The following FOXRED2 variants were observed in gnomAD, a reference collection of about 807,000 sequenced individuals.
FOXRED2 encodes the protein FAD-dependent oxidoreductase domain-containing protein 2.
FOXRED2 carries 32 observed loss-of-function variants against 52.5 expected under a neutral mutation model. That is an observed-to-expected ratio of 0.61 (90% CI 0.46 to 0.82). FOXRED2 has a LOEUF of 0.82. Ranked by LOEUF, FOXRED2 falls within the 40% of genes least tolerant of loss-of-function variation. FOXRED2 has a pLI of 0.00. For missense variants in FOXRED2, 848 were observed against 937.5 expected (o/e 0.90, Z 1.25); for synonymous variants, 405 against 398.1 (o/e 1.02, Z -0.21).
Position 36,501,338 on chromosome 22 carries a change from G to A in FOXRED2, c.1119C>T (p.Ser373=). The stretch of plus-strand genomic sequence containing the variant: ...GGATAAACAGACCCCGGCTTCCTTT[G>A]GATTCGTAGCTAGCTCGAATCAGCG... ...KYPLIRASYE[S]KGSRGLFILG... The change falls in exon 5 of 9, where the codon TCC becomes TCT. Residue 373 remains serine (S), a synonymous_variant. Transcript: ENST00000397224. 1 of 1,614,098 alleles carries A rather than the reference G, an allele frequency of 6.2e-7. No homozygotes were observed. The highest frequency in any genetic ancestry group is 8.5e-7 in the Non-Finnish European group (1 of 1,180,006).
At chr22:36,506,545 A>C in intron 1 of FOXRED2, 122 bp from the exon 2 acceptor site, 1 of 972,002 alleles carries the variant, frequency 1.0e-6, no homozygotes. Flanking sequence ...CAGGCCCAGA[A>C]GCCGTCCTCA....
rs748611789 is a variant in FOXRED2, at chr22:36,506,375, G to T, written c.48C>A (p.Leu16=). 1.4e-6 allele frequency: 2 copies of T among 1,446,574 alleles called. No individual in the cohort carries two copies. The highest frequency in any genetic ancestry group is 2.7e-5 in the Admixed American group (1 of 36,864). 89.6% of individuals were successfully genotyped at this position (1,446,574 alleles called of 1,614,324 possible). Residue 16 remains leucine (L), a synonymous_variant, in exon 2 of 9, where the codon CTC becomes CTA. Coordinates refer to ENST00000397224, the MANE Select transcript of FOXRED2 (RefSeq NM_001102371.2). ...GCGCTGGGTGCAGGGCGATGGCCAG[G>T]AGCAGCCCCGGGGGACCCCACAACG... ...AAPLWGPPGL[L]LAIALHPALS... is the part of the protein sequence containing the mutation.
intron 6 of FOXRED2, among the ~76,000 whole-genome samples, 167 bp downstream of exon 6, chr22:36,497,824 C>T (rs1470951765): frequency 6.6e-6 from 1 of 152,218 alleles, no homozygotes; most frequent in Non-Finnish European, 1.5e-5. Flanking sequence ...ACAGGACTGT[C>T]TGTAGAGTTA....
At position 36,490,220 on chromosome 22, in the gene FOXRED2, A is replaced by C. The variant is rs1411270390; in HGVS notation, c.1843T>G (p.Cys615Gly). 4.3e-6 allele frequency: 7 copies of C among 1,613,254 alleles called. No individual in the cohort carries two copies. The highest frequency in any genetic ancestry group is 1.3e-5 in the African/African-American group (1 of 74,910). Residue 615 changes from cysteine (C) to glycine (G), a missense_variant, in exon 9 of 9, where the codon TGC becomes GGC. Physicochemically the swap from Cys to Gly is radical, Grantham distance 159. Transcript: ENST00000397224. ...ALTRQKLPPF[C>G]QQGYLRMQGL... ...TGCATCCTCAGGTACCCCTGCTGGC[A>C]AAAGGGTGGCAACTTCTGGCGCGTG...
chr22:36,500,409 T>C (rs916122648), intron 5 of FOXRED2, among the ~76,000 whole-genome samples: 1 of 152,198 alleles, frequency 6.6e-6, no homozygotes, highest in African/African-American at 2.4e-5. Context: ...ATTTCCCATT[T>C]ACTCCTAAAA....
In FOXRED2 at chr22:36,506,159, C is replaced by G; in HGVS notation, c.264G>C (p.Lys88Asn). 6.2e-7 allele frequency: 1 copy of G among 1,614,268 alleles called. No individual in the cohort carries two copies. The highest frequency in any genetic ancestry group is 8.5e-7 in the Non-Finnish European group (1 of 1,180,044). ...LISINKRYTGKANAEFNLRHD... is the reference protein window; with the variant it reads ...LISINKRYTGNANAEFNLRHD... ...GGCGGAGGTTGAACTCGGCGTTAGC[C>G]TTGCCCGTGTACCGCTTGTTGATGC... The change falls in exon 2 of 9, where the codon AAG (lysine) becomes AAC (asparagine). Residue 88 changes from lysine (K) to asparagine (N), a missense_variant. By Grantham distance (94) the Lys-to-Asn change is moderately conservative. Coordinates refer to ENST00000397224, the MANE Select transcript of FOXRED2 (RefSeq NM_001102371.2).
At position 36,498,794 on chromosome 22, in the gene FOXRED2, T is replaced by C. The variant is rs137973811; in HGVS notation, c.1217-638A>G. ...GGTGCGATCTCGGCTCACCGCGACCTCCGCCTCCTGGGTTCCAGGAGGAAC... is the reference window on the plus strand; with the variant it reads ...GGTGCGATCTCGGCTCACCGCGACCCCCGCCTCCTGGGTTCCAGGAGGAAC... On this transcript the variant is annotated intron_variant, in intron 5 of 8. Transcript: ENST00000397224. Among the ~76,000 whole-genome samples the C allele has an allele frequency of 5.7e-3, 870 of 152,084 alleles. 3 individuals carry two copies. Among genetic ancestry groups the C allele is most frequent in the Middle Eastern group, 0.02 (6 of 294 alleles).
intron 8 of FOXRED2, among the ~76,000 whole-genome samples, chr22:36,493,264 C>T (rs936011823): frequency 1.3e-5 from 2 of 152,160 alleles, no homozygotes; most frequent in African/African-American, 4.8e-5. Context: ...ATGGTGAAAC[C>T]CCATCTCTAC....
At chr22:36,492,770 G>A (rs1254151513) in intron 8 of FOXRED2, among the ~76,000 whole-genome samples, 4 of 152,084 alleles carry the variant, frequency 2.6e-5, no homozygotes, top group Non-Finnish European at 5.9e-5. Context: ...CACCCACCTC[G>A]GCCTCCCAAA....
intron 5 of FOXRED2, among the ~76,000 whole-genome samples, chr22:36,498,908 T>C (rs967415241): frequency 1.3e-5 from 2 of 151,564 alleles, no homozygotes; most frequent in Admixed American, 6.6e-5. Context: ...TCCTCTAACC[T>C]GGAATAAAGT....
At chr22:36,491,074 A>G (rs576472507) in intron 8 of FOXRED2, among the ~76,000 whole-genome samples, 22 of 151,998 alleles carry the variant, frequency 1.4e-4, no homozygotes, top group Non-Finnish European at 2.9e-4. Flanking sequence ...AGGCAGGAGA[A>G]TCACTCGAAT....
In FOXRED2 at chr22:36,506,197, G is replaced by T. The variant is rs770616543; in HGVS notation, c.226C>A (p.Arg76Ser). 9 of 1,614,046 alleles carry T rather than the reference G, an allele frequency of 5.6e-6. No individual in the cohort carries two copies. The highest frequency in any genetic ancestry group is 7.6e-6 in the Non-Finnish European group (9 of 1,180,016). The change falls in exon 2 of 9, where the codon CGC becomes AGC. Residue 76 changes from arginine (R) to serine (S), a missense_variant. Physicochemically the swap from Arg to Ser is moderately radical, Grantham distance 110. Transcript: ENST00000397224. ...GSFFTRYPRH[R>S]KLISINKRYT... ...CGCTTGTTGATGCTGATGAGCTTGC[G>T]GTGCCGCGGGTAGCGTGTGAAGAAG... is the stretch of plus-strand genomic sequence containing the variant.
Position 36,501,541 on chromosome 22 carries a change from A to G in FOXRED2, c.1050-134T>C, listed in dbSNP as rs534827320. 5.9e-5 allele frequency: 47 copies of G among 791,110 alleles called. No homozygotes were observed. In the African/African-American group the frequency reaches 6.4e-4, roughly 11 times the overall value. The allele number at this position is 791,110 out of a possible 1,614,324, so 49.0% of individuals were successfully genotyped here. On this transcript the variant is annotated intron_variant, in intron 4 of 8. Transcript: ENST00000397224. ...AATGGCGTGATCTCGGCTCACTGCA[A>G]CCTCTGCCTCCTGGGTTCAAACTAT...
chr22:36,495,961 G>A lies in FOXRED2; in HGVS notation c.1624+6C>T, dbSNP rs1230016531. 10 of 1,613,080 alleles carry A rather than the reference G, an allele frequency of 6.2e-6. No individual in the cohort carries two copies. The highest frequency in any genetic ancestry group is 6.8e-6 in the Non-Finnish European group (8 of 1,179,062). ...ACAGGTTGGGGAAGGGCAGAGACCT[G>A]CTCACCGGTGGGGAGGTATCTATAG... On this transcript the variant is annotated splice_donor_region_variant and intron_variant, in intron 7 of 8. Coordinates refer to ENST00000397224, the MANE Select transcript of FOXRED2 (RefSeq NM_001102371.2).
Position 36,490,203 on chromosome 22 carries a change from C to T in FOXRED2, c.1860G>A (p.Leu620=). 2 of 1,613,846 alleles carry T rather than the reference C, an allele frequency of 1.2e-6. No homozygotes were observed. Among genetic ancestry groups the T allele is most frequent in the East Asian group, 2.2e-5 (1 of 44,870 alleles). The change falls in exon 9 of 9, where the codon CTG becomes CTA. Residue 620 remains leucine (L), a synonymous_variant. Coordinates refer to ENST00000397224, the MANE Select transcript of FOXRED2 (RefSeq NM_001102371.2). ...CGGTACTCACGAGTCCCTGCATCCT[C>T]AGGTACCCCTGCTGGCAAAAGGGTG... The part of the protein sequence containing the change: ...KLPPFCQQGY[L]RMQGLVSTES...
In FOXRED2 at chr22:36,489,066, G is replaced by T. The variant is rs1398569078; in HGVS notation, c.*942C>A. On this transcript the variant is annotated 3_prime_UTR_variant, in exon 9 of 9. Transcript: ENST00000397224. ...AATTCATCATCATTATCACACAAAG[G>T]CATTTGGAAATGTCACCTTACACAT... 1 of 152,236 alleles carries T rather than the reference G, an allele frequency of 6.6e-6. No individual in the cohort carries two copies. Among genetic ancestry groups the T allele is most frequent in the Admixed American group, 6.5e-5 (1 of 15,274 alleles). 9.4% of individuals were successfully genotyped at this position (152,236 alleles called of 1,614,324 possible).
chr22:36,495,748 AC>A (rs532331993), intron 7 of FOXRED2, among the ~76,000 whole-genome samples: 230 of 152,040 alleles, frequency 1.5e-3, no homozygotes, highest in African/African-American at 5.4e-3. Context: ...AGAGCACGAC[AC>A]CCCCCGCATG....
chr22:36,501,666 A>G (rs1000765086), intron 4 of FOXRED2, among the ~76,000 whole-genome samples: 1 of 151,960 alleles, frequency 6.6e-6, no homozygotes, highest in Non-Finnish European at 1.5e-5. Flanking sequence ...TCACCACGTT[A>G]GCCAGCCTGG....
Position 36,487,736 on chromosome 22 carries a change from C to T in FOXRED2, c.*2272G>A, listed in dbSNP as rs1402746583. ...GACAGAATAAGGCTACTGGAGTTCT[C>T]TTCTTGTAACTCTGGGAAGGACTAG... On this transcript the variant is annotated 3_prime_UTR_variant, in exon 9 of 9. Transcript: ENST00000397224. 6.6e-6 allele frequency: 1 copy of T among 152,176 alleles called. No homozygotes were observed. The highest frequency in any genetic ancestry group is 1.5e-5 in the Non-Finnish European group (1 of 68,044). 9.4% of individuals were successfully genotyped at this position (152,176 alleles called of 1,614,324 possible). A position where few individuals can be genotyped will look rare whatever the true frequency, so the allele number is the denominator to read the frequency against.
Sources: gnomAD v4.1 joint callset for allele counts (sites outside exome capture counted in the v4.1 genomes callset) on GRCh38, gnomAD v4.1.1 for gene constraint, MANE v1.5 for transcripts, NCBI Gene and HGNC (gene_info 2026-07-23, HGNC 2026-07-21) for gene names.